Variants in NRCAM observed in about 807,000 individuals in gnomAD.
NRCAM encodes the protein neuronal cell adhesion molecule.
Under a neutral mutation model 156.5 loss-of-function variants are expected in NRCAM, and 83 were observed. The observed-to-expected ratio is 0.53, with a 90% confidence interval of 0.44 to 0.64. The LOEUF is 0.64. Ranked by LOEUF, NRCAM falls within the 30% of genes least tolerant of loss-of-function variation. NRCAM has a pLI of 0.00. For synonymous variants in NRCAM, 538 were observed against 563.9 expected (o/e 0.95, Z 0.65); for missense variants, 1,417 against 1,597.3 (o/e 0.89, Z 1.92).
chr7:108,391,194 T>A (rs1182422885), intron 2 of NRCAM, among the ~76,000 whole-genome samples: 1 of 152,034 alleles, frequency 6.6e-6, no homozygotes, highest in East Asian at 1.9e-4. Flanking sequence ...CCCATTATTA[T>A]TGTGTGGGAG....
At chr7:108,343,561 A>G (rs1427141890) in intron 2 of NRCAM, among the ~76,000 whole-genome samples, 5 of 152,186 alleles carry the variant, frequency 3.3e-5, no homozygotes, top group Non-Finnish European at 7.3e-5. Flanking sequence ...CCTCTGGGAA[A>G]CCAAGCCCCA....
At chr7:108,432,757 C>A (rs547700962) in intron 1 of NRCAM, among the ~76,000 whole-genome samples, 26 of 152,198 alleles carry the variant, frequency 1.7e-4, no homozygotes, top group African/African-American at 6.0e-4. Context: ...TAAAAATCAG[C>A]CAAGTGTGGT....
intron 3 of NRCAM, among the ~76,000 whole-genome samples, chr7:108,276,921 G>A (rs191421539): frequency 6.6e-6 from 1 of 152,280 alleles, no homozygotes; most frequent in African/African-American, 2.4e-5. Flanking sequence ...CTCTTGTAAG[G>A]CAGGCCTGGT....
chr7:108,354,755 G>T (rs1055881830), intron 2 of NRCAM, among the ~76,000 whole-genome samples: 2 of 152,102 alleles, frequency 1.3e-5, no homozygotes, highest in East Asian at 3.9e-4. Flanking sequence ...TTAGCTGGGC[G>T]TGGTGGTGGG....
At chr7:108,262,823 C>T (rs2096934736) in intron 3 of NRCAM, among the ~76,000 whole-genome samples, 1 of 152,198 alleles carries the variant, frequency 6.6e-6, no homozygotes, top group Admixed American at 6.5e-5. Flanking sequence ...AGATTTTCCC[C>T]TTTTCTTCCT....
At chr7:108,165,116 A>G (rs770918633) in intron 30 of NRCAM, among the ~76,000 whole-genome samples, 1 of 152,250 alleles carries the variant, frequency 6.6e-6, no homozygotes, top group Non-Finnish European at 1.5e-5. Context: ...ATCCAGAACC[A>G]GTAACCACAT....
chr7:108,291,863 T>C (rs2098303269), intron 3 of NRCAM, among the ~76,000 whole-genome samples: 1 of 152,188 alleles, frequency 6.6e-6, no homozygotes, highest in Non-Finnish European at 1.5e-5. Context: ...ACTGTGGTGT[T>C]ACACAAAGAC....
chr7:108,320,769 A>G (rs1385474151), intron 2 of NRCAM, among the ~76,000 whole-genome samples: 2 of 152,246 alleles, frequency 1.3e-5, no homozygotes, highest in Non-Finnish European at 2.9e-5. Flanking sequence ...CCCTTAAAAT[A>G]TGATTATCAA....
intron 1 of NRCAM, among the ~76,000 whole-genome samples, chr7:108,404,347 T>C (rs1049061169): frequency 9.9e-5 from 15 of 152,226 alleles, no homozygotes; most frequent in Admixed American, 4.6e-4. Context: ...ACTCTAAGAC[T>C]TGGCAGCTCC....
At chr7:108,387,588 A>G (rs996215006) in intron 2 of NRCAM, among the ~76,000 whole-genome samples, 1 of 152,070 alleles carries the variant, frequency 6.6e-6, no homozygotes, top group Admixed American at 6.6e-5. Flanking sequence ...ATTATACTTT[A>G]AGTTCTAGGG....
At chr7:108,436,533 A>T (rs1563803348) in intron 1 of NRCAM, among the ~76,000 whole-genome samples, 1 of 152,206 alleles carries the variant, frequency 6.6e-6, no homozygotes, top group Non-Finnish European at 1.5e-5. Flanking sequence ...CAGATTCTTT[A>T]TGAATTTGCA....
At chr7:108,162,973 C>G (rs927009160) in intron 30 of NRCAM, among the ~76,000 whole-genome samples, 3 of 152,002 alleles carry the variant, frequency 2.0e-5, no homozygotes, top group Non-Finnish European at 4.4e-5. Context: ...ACATACAAAT[C>G]CAAGCCATAA....
At chr7:108,332,547 C>G (rs1050814425) in intron 2 of NRCAM, among the ~76,000 whole-genome samples, 12 of 152,102 alleles carry the variant, frequency 7.9e-5, no homozygotes, top group African/African-American at 2.9e-4. Context: ...CAAACCACTG[C>G]TTTTACAAAA....
intron 12 of NRCAM, among the ~76,000 whole-genome samples, chr7:108,207,863 T>G (rs1342000767): frequency 1.3e-5 from 2 of 152,218 alleles, no homozygotes; most frequent in African/African-American, 4.8e-5. Flanking sequence ...CTGACGTATA[T>G]GTATTATTTC....
At chr7:108,341,039 C>A (rs779078743) in intron 2 of NRCAM, among the ~76,000 whole-genome samples, 1 of 152,184 alleles carries the variant, frequency 6.6e-6, no homozygotes, top group Non-Finnish European at 1.5e-5. Flanking sequence ...AAAGGCTGGG[C>A]AAATCCAATG....
intron 3 of NRCAM, among the ~76,000 whole-genome samples, chr7:108,289,511 A>T (rs1188246214): frequency 6.6e-6 from 1 of 152,104 alleles, no homozygotes; most frequent in East Asian, 1.9e-4. Context: ...AAATTTTGTA[A>T]ATTTTGACTA....
At chr7:108,234,895 G>A (rs779280770) in intron 5 of NRCAM, 1 of 714,618 alleles carries the variant, frequency 1.4e-6, no homozygotes. Context: ...CTTTCTTTCG[G>A]TAACTATGTG....
chr7:108,180,073 G>T, intron 25 of NRCAM, 150 bp downstream of exon 25: 1 of 654,026 alleles, frequency 1.5e-6, no homozygotes, highest in Non-Finnish European at 2.6e-6. Flanking sequence ...CTGACATTTT[G>T]GTAGCTTTGT....
intron 2 of NRCAM, among the ~76,000 whole-genome samples, chr7:108,393,577 C>T (rs2099768240): frequency 1.3e-5 from 2 of 152,102 alleles, no homozygotes; most frequent in African/African-American, 4.8e-5. Context: ...ACTCAGTGGG[C>T]TGCACCCACT....
Sources: gnomAD v4.1 joint callset for allele counts (sites outside exome capture counted in the v4.1 genomes callset) on GRCh38, gnomAD v4.1.1 for gene constraint, MANE v1.5 for transcripts, NCBI Gene and HGNC (gene_info 2026-07-23, HGNC 2026-07-21) for gene names.